MSI2: variants seen among roughly 807,000 people sequenced by gnomAD.
MSI2 encodes the protein RNA-binding protein Musashi homolog 2.
MSI2 carries 17 observed loss-of-function variants against 45.6 expected under a neutral mutation model. The ratio of observed to expected loss-of-function variants is 0.37; its 90% confidence interval spans 0.26 to 0.56. MSI2 has a LOEUF of 0.56. Among genes scored for constraint, MSI2 ranks in the 20% least tolerant of loss-of-function variants. MSI2 has a pLI of 0.77. For missense variants in MSI2, 293 were observed against 444.2 expected (o/e 0.66, Z 3.06); for synonymous variants, 156 against 158.2 (o/e 0.99, Z 0.11).
At position 57,555,473 on chromosome 17, in the gene MSI2, C is replaced by T. The variant is rs572377152; in HGVS notation, c.454+25749C>T. 8.5e-5 allele frequency among the ~76,000 whole-genome samples: 13 copies of T among 152,280 alleles called. No individual in the cohort carries two copies. In the South Asian group the frequency reaches 2.3e-3, roughly 27 times the overall value. The stretch of plus-strand genomic sequence containing the variant: ...CTGTCCGCTGGGGTTCCCTGCTCAG[C>T]GCAGCAGGGACCCCAGCAGCTCCTC... On this transcript the variant is annotated intron_variant, in intron 7 of 13. Transcript: ENST00000284073.
chr17:57,605,230 G>A (rs1906417484), intron 8 of MSI2, among the ~76,000 whole-genome samples: 2 of 152,246 alleles, frequency 1.3e-5, no homozygotes. Context: ...GCAAGCGCGT[G>A]CACATGCTGT....
At chr17:57,604,295 A>AT (rs1351670487) in intron 8 of MSI2, among the ~76,000 whole-genome samples, 1 of 152,152 alleles carries the variant, frequency 6.6e-6, no homozygotes, top group African/African-American at 2.4e-5. Context: ...AGAGTGATAG[A>AT]TTTTTTCACC....
intron 6 of MSI2, among the ~76,000 whole-genome samples, chr17:57,468,336 G>A (rs753967577): frequency 4.6e-5 from 7 of 151,366 alleles, no homozygotes; most frequent in East Asian, 2.0e-4. Flanking sequence ...TGGCTAACAC[G>A]GTGAAACCCC....
At chr17:57,615,353 C>T (rs185032298) in intron 8 of MSI2, among the ~76,000 whole-genome samples, 53 of 152,080 alleles carry the variant, frequency 3.5e-4, no homozygotes, top group East Asian at 2.7e-3. Context: ...TGATCTGAAA[C>T]GCCTGGGCTC....
intron 6 of MSI2, among the ~76,000 whole-genome samples, chr17:57,438,062 C>T (rs1023842878): frequency 6.6e-6 from 1 of 152,176 alleles, no homozygotes; most frequent in Non-Finnish European, 1.5e-5. Context: ...TTATGGAGGG[C>T]CCCTTCTGAA....
intron 6 of MSI2, among the ~76,000 whole-genome samples, chr17:57,518,747 A>G (rs1043507897): frequency 6.7e-6 from 1 of 150,110 alleles, no homozygotes; most frequent in Non-Finnish European, 1.5e-5. Flanking sequence ...CCTGCCTGCC[A>G]CTCCCCTCCC....
chr17:57,468,390 G>A (rs1012707917), intron 6 of MSI2, among the ~76,000 whole-genome samples: 66 of 151,774 alleles, frequency 4.3e-4, no homozygotes, highest in Non-Finnish European at 3.4e-4. Flanking sequence ...GTGTGGTGGC[G>A]GGCGCCTGTA....
chr17:57,270,586 T>C (rs1344040970), intron 5 of MSI2, among the ~76,000 whole-genome samples: 3 of 152,244 alleles, frequency 2.0e-5, no homozygotes, highest in Non-Finnish European at 4.4e-5. Flanking sequence ...TTACCAGCTA[T>C]GGCATTTTAG....
chr17:57,414,486 T>C (rs1598238673), intron 6 of MSI2, among the ~76,000 whole-genome samples: 1 of 151,662 alleles, frequency 6.6e-6, no homozygotes, highest in East Asian at 1.9e-4. Flanking sequence ...GCCTCCTGGG[T>C]TCAAGCAACT....
intron 5 of MSI2, among the ~76,000 whole-genome samples, chr17:57,346,603 A>G (rs1376904579): frequency 6.6e-6 from 1 of 152,040 alleles, no homozygotes; most frequent in Non-Finnish European, 1.5e-5. Context: ...CATTTTGCAA[A>G]GTGTCTTTCT....
intron 5 of MSI2, among the ~76,000 whole-genome samples, chr17:57,362,364 C>T (rs139824371): frequency 2.3e-4 from 35 of 152,314 alleles, no homozygotes; most frequent in East Asian, 5.8e-4. Flanking sequence ...ATTTCCTAAA[C>T]GGAAGATCCT....
At chr17:57,487,659 C>CCAGGTG (rs2085782088) in intron 6 of MSI2, among the ~76,000 whole-genome samples, 1 of 151,932 alleles carries the variant, frequency 6.6e-6, no homozygotes, top group Admixed American at 6.6e-5. Flanking sequence ...TGAGGTCCTC[C>CCAGGTG]CAGGTGCAGG....
chr17:57,300,894 A>C (rs1262568250), intron 5 of MSI2, among the ~76,000 whole-genome samples: 2 of 152,218 alleles, frequency 1.3e-5, no homozygotes, highest in Non-Finnish European at 2.9e-5. Flanking sequence ...GATCCCTCCT[A>C]CAACATGTGG....
At chr17:57,395,199 G>A (rs2083867635) in intron 5 of MSI2, among the ~76,000 whole-genome samples, 1 of 152,170 alleles carries the variant, frequency 6.6e-6, no homozygotes, top group Admixed American at 6.5e-5. Flanking sequence ...TGGATTTAGG[G>A]CTTACCCTAT....
At chr17:57,688,012 T>C (rs1404745080), downstream of MSI2, among the ~76,000 whole-genome samples, 1 of 152,106 alleles carries the variant, frequency 6.6e-6, no homozygotes, top group Non-Finnish European at 1.5e-5. Context: ...ATATGGCAGC[T>C]CTTTCTAATA....
intron 6 of MSI2, among the ~76,000 whole-genome samples, chr17:57,489,567 G>C (rs879392444): frequency 4.7e-4 from 71 of 152,352 alleles, no homozygotes; most frequent in South Asian, 1.2e-3. Flanking sequence ...GGGGCCAGCT[G>C]GTACAGCCCA....
At chr17:57,380,027 T>C (rs2083571883) in intron 5 of MSI2, among the ~76,000 whole-genome samples, 1 of 152,190 alleles carries the variant, frequency 6.6e-6, no homozygotes, top group Non-Finnish European at 1.5e-5. Flanking sequence ...ATATTGGGTA[T>C]TGGCTGCTGA....
At chr17:57,428,512 C>A (rs1188926663) in intron 6 of MSI2, among the ~76,000 whole-genome samples, 1 of 152,184 alleles carries the variant, frequency 6.6e-6, no homozygotes, top group Non-Finnish European at 1.5e-5. Flanking sequence ...ACAAGTGATG[C>A]CCCCACCTCA....
intron 6 of MSI2, among the ~76,000 whole-genome samples, chr17:57,415,760 G>A (rs1426002549): frequency 1.3e-5 from 2 of 151,894 alleles, no homozygotes; most frequent in Non-Finnish European, 2.9e-5. Context: ...CTCTCTGTGT[G>A]CCAAATGGAC....
Sources: allele counts gnomAD v4.1 joint callset (sites outside exome capture counted in the v4.1 genomes callset), GRCh38; gene constraint gnomAD v4.1.1; transcripts MANE v1.5; gene names NCBI Gene and HGNC (gene_info 2026-07-23, HGNC 2026-07-21).